The following DSCAM variants were observed in gnomAD, a reference collection of about 807,000 sequenced individuals.
DSCAM encodes DS cell adhesion molecule.
Under a neutral mutation model 217.7 loss-of-function variants are expected in DSCAM, and 47 were observed. The ratio of observed to expected loss-of-function variants is 0.22; its 90% CI spans 0.17 to 0.28. The LOEUF is 0.28. DSCAM is among the 10% of genes least tolerant of loss of function. The pLI is 1.00. For missense variants in DSCAM, 2,080 were observed against 2,618.3 expected, an observed-to-expected ratio of 0.79 and a Z score of 4.49; for synonymous variants, 1,056 against 1,015.3, an observed-to-expected ratio of 1.04 and a Z score of -0.76.
chr21:40,358,734 G>A (rs182641694), intron 4 of DSCAM, among the ~76,000 whole-genome samples: 26 of 151,370 alleles, frequency 1.7e-4, no homozygotes, highest in African/African-American at 4.9e-4. Flanking sequence ...CCCGGGAAGC[G>A]GAGGTTGCAG....
At chr21:40,022,308 C>T (rs1204782540) in intron 32 of DSCAM, among the ~76,000 whole-genome samples, 1 of 152,170 alleles carries the variant, frequency 6.6e-6, no homozygotes, top group African/African-American at 2.4e-5. Flanking sequence ...GGGTGCTGCT[C>T]AACATCATCC....
chr21:40,182,622 C>CGGTT (rs2090826182), intron 14 of DSCAM, among the ~76,000 whole-genome samples: 1 of 101,030 alleles, frequency 9.9e-6, no homozygotes, highest in African/African-American at 4.6e-5. Flanking sequence ...CAGAACGGGC[C>CGGTT]ACCAGAGAAA....
chr21:40,138,633 G>A (rs2090244593), intron 18 of DSCAM, among the ~76,000 whole-genome samples: 2 of 140,972 alleles, frequency 1.4e-5, no homozygotes, highest in Admixed American at 7.0e-5. Context: ...TGGTGTATGT[G>A]GGGTACGTGT....
intron 1 of DSCAM, among the ~76,000 whole-genome samples, chr21:40,835,103 T>C (rs2092046342): frequency 6.6e-6 from 1 of 152,234 alleles, no homozygotes; most frequent in Non-Finnish European, 1.5e-5. Context: ...TAAGGTGATT[T>C]GTTCTAATAA....
chr21:40,359,196 G>A (rs1374993878), intron 4 of DSCAM, among the ~76,000 whole-genome samples: 1 of 152,150 alleles, frequency 6.6e-6, no homozygotes, highest in Non-Finnish European at 1.5e-5. Flanking sequence ...ACTTACATAT[G>A]CACACATATA....
chr21:40,748,120 G>T (rs2091192879), intron 1 of DSCAM, among the ~76,000 whole-genome samples: 1 of 151,712 alleles, frequency 6.6e-6, no homozygotes, highest in Non-Finnish European at 1.5e-5. Flanking sequence ...TACTGAGCAG[G>T]AAACAGTTGA....
At position 40,527,352 on chromosome 21, in the gene DSCAM, T is replaced by C. The variant is rs560957158; in HGVS notation, c.509-158107A>G. Reference sequence around the variant, plus strand: ...ACATGGGGCATCTTTGTATTTCACATTGGCCCACAGAATGTGAAAGAAGTT... The same window carrying C: ...ACATGGGGCATCTTTGTATTTCACACTGGCCCACAGAATGTGAAAGAAGTT... On this transcript the variant is annotated intron_variant, in intron 3 of 32. Transcript: ENST00000400454. 9.2e-5 allele frequency among the ~76,000 whole-genome samples: 14 copies of C among 152,336 alleles called. No homozygotes were observed. The South Asian group carries it at 2.7e-3, about 29-fold the overall frequency.
chr21:40,844,890 G>C (rs1163319509), intron 1 of DSCAM, among the ~76,000 whole-genome samples: 1 of 152,114 alleles, frequency 6.6e-6, no homozygotes, highest in Admixed American at 6.5e-5. Context: ...CTTCCCAATG[G>C]GGTGCAAATT....
At chr21:40,742,707 C>A (rs903118055) in intron 1 of DSCAM, among the ~76,000 whole-genome samples, 2 of 152,062 alleles carry the variant, frequency 1.3e-5, no homozygotes, top group Admixed American at 6.5e-5. Context: ...TTTAGTGGGC[C>A]AGGGTCTGTG....
intron 6 of DSCAM, among the ~76,000 whole-genome samples, chr21:40,341,532 C>A (rs1271235005): frequency 3.3e-5 from 5 of 152,216 alleles, no homozygotes; most frequent in African/African-American, 1.2e-4. Context: ...CCAGAGTAAC[C>A]ACAAAAACGA....
chr21:40,387,929 G>A (rs1162139272), intron 3 of DSCAM, among the ~76,000 whole-genome samples: 1 of 152,046 alleles, frequency 6.6e-6, no homozygotes, highest in Non-Finnish European at 1.5e-5. Flanking sequence ...GGAAAAATTA[G>A]TGAACAAGAA....
intron 1 of DSCAM, among the ~76,000 whole-genome samples, chr21:40,808,813 C>T (rs749976464): frequency 1.6e-4 from 25 of 152,132 alleles, no homozygotes; most frequent in Non-Finnish European, 2.8e-4. Flanking sequence ...GGAGATTACA[C>T]ATGGACCTGC....
At chr21:40,530,315 C>A (rs2076433270) in intron 3 of DSCAM, among the ~76,000 whole-genome samples, 1 of 152,168 alleles carries the variant, frequency 6.6e-6, no homozygotes, top group Non-Finnish European at 1.5e-5. Context: ...CTCAATTTGA[C>A]TTTTGTTGAT....
chr21:40,771,508 C>T (rs145573841), intron 1 of DSCAM, among the ~76,000 whole-genome samples: 219 of 152,338 alleles, frequency 1.4e-3, no homozygotes, highest in South Asian at 3.7e-3. Flanking sequence ...CTCTCCGCAC[C>T]TACACGGGGG....
At chr21:40,293,852 C>A (rs1472481262) in intron 10 of DSCAM, among the ~76,000 whole-genome samples, 1 of 152,126 alleles carries the variant, frequency 6.6e-6, no homozygotes. Context: ...TATTAAGCAC[C>A]ATATTTGTTG....
chr21:40,761,930 G>A (rs1183906338), intron 1 of DSCAM, among the ~76,000 whole-genome samples: 1 of 152,132 alleles, frequency 6.6e-6, no homozygotes, highest in Non-Finnish European at 1.5e-5. Context: ...AAGATACAGT[G>A]TACCAGAATA....
At chr21:40,622,780 G>A (rs113865687) in intron 3 of DSCAM, among the ~76,000 whole-genome samples, 2,690 of 151,502 alleles carry the variant, frequency 0.018, 84 homozygotes, top group African/African-American at 0.062. Flanking sequence ...CTTCCCAGTC[G>A]TGCTTTCCAC....
At chr21:40,472,305 C>A (rs771968288) in intron 3 of DSCAM, among the ~76,000 whole-genome samples, 2 of 152,146 alleles carry the variant, frequency 1.3e-5, no homozygotes, top group Non-Finnish European at 2.9e-5. Context: ...TTTTAAAATA[C>A]GTGTTCTGAA....
At chr21:40,809,066 TCCTGACTGTTAGGG>T (rs1214684057) in intron 1 of DSCAM, among the ~76,000 whole-genome samples, 3 of 152,134 alleles carry the variant, frequency 2.0e-5, no homozygotes, top group Non-Finnish European at 4.4e-5. Context: ...TAGACCCTTG[TCCTGACTGTTAGGG>T]CAGGACAGGG....
Sources: allele counts gnomAD v4.1 joint callset (sites outside exome capture counted in the v4.1 genomes callset), GRCh38; gene constraint gnomAD v4.1.1; transcripts MANE v1.5; gene names NCBI Gene and HGNC (gene_info 2026-07-23, HGNC 2026-07-21).